LRMDA: variants seen among roughly 807,000 people sequenced by gnomAD.
LRMDA encodes leucine-rich melanocyte differentiation-associated protein.
In LRMDA, 18 loss-of-function variants were observed where a neutral mutation model predicts 29.8. That is an observed-to-expected ratio of 0.60 (90% confidence interval 0.42 to 0.90). The LOEUF is 0.90. LRMDA is among the 40% of genes least tolerant of loss of function. The probability of loss-of-function intolerance (pLI) is 0.00; values close to 1 mark genes in which losing one functional copy is unlikely to be tolerated. For missense variants in LRMDA, 273 were observed against 273.9 expected (o/e 1.00, Z 0.02); for synonymous variants, 125 against 109.4 (o/e 1.14, Z -0.89).
rs562811328 is a variant in LRMDA at position 75,500,654 on chromosome 10, G to T, written c.131+62160G>T. Among the ~76,000 whole-genome samples the T allele has an allele frequency of 2.6e-5, 4 of 152,284 alleles. No individual in the cohort carries two copies. In the East Asian group the frequency reaches 7.7e-4, roughly 29 times the overall value. On this transcript the variant is annotated intron_variant, in intron 2 of 6. Coordinates refer to ENST00000611255, the MANE Select transcript of LRMDA (RefSeq NM_001305581.2). ...ATTGACTTATAGTTCTGCATGGCTA[G>T]GGAGGCCTCAGGAAACTTACAATCA... is the stretch of plus-strand genomic sequence containing the variant.
intron 6 of LRMDA, among the ~76,000 whole-genome samples, chr10:76,483,064 A>T (rs979414066): frequency 2.0e-5 from 3 of 151,894 alleles, no homozygotes; most frequent in Admixed American, 2.0e-4. Context: ...GTCTTTGTTC[A>T]TTTTTTAAAA....
intron 6 of LRMDA, among the ~76,000 whole-genome samples, chr10:76,350,390 TAA>T (rs1841160813): frequency 1.3e-5 from 2 of 152,060 alleles, no homozygotes; most frequent in South Asian, 4.2e-4. Flanking sequence ...AAAAAATAAT[TAA>T]GTCAAGTTTA....
At chr10:75,482,409 A>G (rs766509626) in intron 2 of LRMDA, among the ~76,000 whole-genome samples, 20 of 152,140 alleles carry the variant, frequency 1.3e-4, no homozygotes, top group African/African-American at 4.8e-4. Context: ...GTTATTTTAA[A>G]CCACTGAATT....
chr10:75,692,217 A>ATATATAT (rs1238587055), intron 2 of LRMDA, among the ~76,000 whole-genome samples: 2 of 50,608 alleles, frequency 4.0e-5, no homozygotes, highest in South Asian at 1.3e-3. Context: ...GGAAAAAAAA[A>ATATATAT]AAATATATAT....
chr10:76,285,701 G>T (rs944194714), intron 5 of LRMDA, among the ~76,000 whole-genome samples: 1 of 152,056 alleles, frequency 6.6e-6, no homozygotes, highest in African/African-American at 2.4e-5. Context: ...TCTTTATGAG[G>T]GATGGAGACA....
Position 76,052,202 on chromosome 10 carries a change from CA to C in LRMDA, c.398+4900del, listed in dbSNP as rs544423353. Among the ~76,000 whole-genome samples, 35 of 152,236 alleles carry C rather than the reference CA, an allele frequency of 2.3e-4. No individual in the cohort carries two copies. In the South Asian group the frequency reaches 2.9e-3, roughly 13 times the overall value. ...CCTCCAAAGAATAGAAGCAAGAAGG[CA>C]GCAAGAAATAATGCAAAGAAGCATA... On this transcript the variant is annotated intron_variant, in intron 4 of 6. Coordinates refer to ENST00000611255, the MANE Select transcript of LRMDA (RefSeq NM_001305581.2).
chr10:76,120,856 G>A (rs1360932912), intron 5 of LRMDA, among the ~76,000 whole-genome samples: 5 of 149,146 alleles, frequency 3.4e-5, no homozygotes, highest in African/African-American at 7.4e-5. Context: ...CCAAAGAGAC[G>A]GAGTCTCGCT....
intron 2 of LRMDA, chr10:75,642,643 T>C (rs898260649): frequency 6.6e-6 from 1 of 152,250 alleles, no homozygotes; most frequent in African/African-American, 2.4e-5. Context: ...ATGCAGTGGA[T>C]GAATTTTTGG....
intron 2 of LRMDA, among the ~76,000 whole-genome samples, chr10:75,868,224 G>A (rs1003942189): frequency 2.6e-5 from 4 of 152,302 alleles, no homozygotes; most frequent in East Asian, 1.9e-4. Flanking sequence ...TCAACAAGGA[G>A]ACAGAGTGGA....
intron 5 of LRMDA, among the ~76,000 whole-genome samples, chr10:76,103,056 C>A (rs1849421903): frequency 6.6e-6 from 1 of 152,166 alleles, no homozygotes; most frequent in Admixed American, 6.5e-5. Context: ...AACCTACTAT[C>A]TCCTTTGACT....
intron 2 of LRMDA, among the ~76,000 whole-genome samples, chr10:75,772,094 T>C (rs906528719): frequency 1.3e-5 from 2 of 152,254 alleles, no homozygotes; most frequent in African/African-American, 4.8e-5. Context: ...CAGTTGTAGC[T>C]GCAGCTATGC....
At chr10:75,645,559 A>G (rs1179062738) in intron 2 of LRMDA, among the ~76,000 whole-genome samples, 1 of 152,002 alleles carries the variant, frequency 6.6e-6, no homozygotes. Flanking sequence ...CTGCAGTTAG[A>G]CTTGATGCTG....
intron 2 of LRMDA, among the ~76,000 whole-genome samples, chr10:75,747,283 AAAAAAGTCG>A (rs1177218345): frequency 6.6e-6 from 1 of 152,180 alleles, no homozygotes; most frequent in Non-Finnish European, 1.5e-5. Context: ...CAGTTCAATA[AAAAAAGTCG>A]AATATAATTC....
At chr10:76,545,439 A>C (rs967068131) in intron 6 of LRMDA, among the ~76,000 whole-genome samples, 27 of 151,700 alleles carry the variant, frequency 1.8e-4, no homozygotes, top group African/African-American at 6.5e-4. Context: ...AGATTCTGTC[A>C]GTTTTGGGGA....
chr10:75,935,387 T>C (rs1846272186), intron 2 of LRMDA, among the ~76,000 whole-genome samples: 1 of 152,164 alleles, frequency 6.6e-6, no homozygotes, highest in Non-Finnish European at 1.5e-5. Flanking sequence ...AGGATTGACT[T>C]CTCCTGCAGA....
intron 6 of LRMDA, among the ~76,000 whole-genome samples, chr10:76,462,699 G>C (rs1842525658): frequency 6.6e-6 from 1 of 152,158 alleles, no homozygotes; most frequent in South Asian, 2.1e-4. Flanking sequence ...CATGTGAGGA[G>C]AGGACCTGTC....
intron 6 of LRMDA, among the ~76,000 whole-genome samples, chr10:76,419,409 T>C (rs1253955868): frequency 1.3e-5 from 2 of 152,138 alleles, no homozygotes; most frequent in Admixed American, 6.5e-5. Flanking sequence ...TGTCATGTTA[T>C]CACTTGATAG....
intron 2 of LRMDA, among the ~76,000 whole-genome samples, chr10:75,800,822 A>T (rs1843734126): frequency 6.6e-6 from 1 of 151,952 alleles, no homozygotes; most frequent in Non-Finnish European, 1.5e-5. Flanking sequence ...CATTGCGTTA[A>T]TATGTTGCAA....
At chr10:76,015,604 A>G (rs1011267476) in intron 2 of LRMDA, among the ~76,000 whole-genome samples, 3 of 152,172 alleles carry the variant, frequency 2.0e-5, no homozygotes. Context: ...ATTAGAAGCA[A>G]GTCGAGAGGT....
Sources: allele counts gnomAD v4.1 joint callset (sites outside exome capture counted in the v4.1 genomes callset), GRCh38; gene constraint gnomAD v4.1.1; transcripts MANE v1.5; gene names NCBI Gene and HGNC (gene_info 2026-07-23, HGNC 2026-07-21).